Variants in ABCB1 observed in about 807,000 individuals in gnomAD.
ABCB1 encodes the protein ATP binding cassette subfamily B member 1, also known as ATP-dependent translocase ABCB1.
ABCB1 carries 69 observed loss-of-function variants against 142.0 expected under a neutral mutation model. That is an observed-to-expected ratio of 0.49 (90% CI 0.40 to 0.59). ABCB1 has a LOEUF of 0.59. ABCB1 is among the 20% of genes least tolerant of loss of function. The probability of loss-of-function intolerance (pLI) is 0.00; values close to 1 mark genes in which losing one functional copy is unlikely to be tolerated. For synonymous variants in ABCB1, 532 were observed against 539.2 expected (o/e 0.99, Z 0.18); for missense variants, 1,326 against 1,554.7 (o/e 0.85, Z 2.47).
At chr7:87,553,474 C>T (rs867200542) in intron 9 of ABCB1, among the ~76,000 whole-genome samples, 2 of 151,958 alleles carry the variant, frequency 1.3e-5, no homozygotes, top group African/African-American at 4.8e-5. Context: ...GCGCCCGCCA[C>T]CACGCCCGGC....
At chr7:87,542,109 C>T (rs748860505) in intron 17 of ABCB1, among the ~76,000 whole-genome samples, 3 of 152,180 alleles carry the variant, frequency 2.0e-5, no homozygotes, top group Admixed American at 6.5e-5. Flanking sequence ...TCTCCCTTCA[C>T]AGTGGGCCAA....
chr7:87,544,997 T>C lies in ABCB1; in HGVS notation c.1890A>G (p.Thr630=). 6.2e-7 allele frequency: 1 copy of C among 1,613,664 alleles called. No individual in the cohort carries two copies. Among genetic ancestry groups the C allele is most frequent in the East Asian group, 2.2e-5 (1 of 44,862 alleles). Residue 630 remains threonine (T), a splice_region_variant and synonymous_variant, in exon 16 of 28, where the codon ACA becomes ACG. Coordinates refer to ENST00000622132, the MANE Select transcript of ABCB1 (RefSeq NM_001348946.2). ...TTTCTAATTCAACTTCATTTCCTGC[T>C]GTCTAAAATAAATAAGAAATATGCA... The part of the protein sequence containing the change: ...GIYFKLVTMQ[T]AGNEVELENA...
chr7:87,591,117 G>A (rs1037552730), intron 3 of ABCB1, among the ~76,000 whole-genome samples: 1 of 152,154 alleles, frequency 6.6e-6, no homozygotes, highest in African/African-American at 2.4e-5. Context: ...TTATAAGAGG[G>A]AGGAGGGGGC....
At chr7:87,626,246 A>G (rs35881718) in intron 1 of ABCB1, among the ~76,000 whole-genome samples, 481 of 12,438 alleles carry the variant, frequency 0.039, 15 homozygotes, top group South Asian at 0.18. Context: ...TGTCATATAT[A>G]TGTCATATAT....
chr7:87,605,963 G>A (rs1819636469), intron 1 of ABCB1, among the ~76,000 whole-genome samples: 3 of 151,764 alleles, frequency 2.0e-5, no homozygotes. Context: ...TAATAATATG[G>A]CAATAATTTT....
At chr7:87,593,504 C>A (rs959667771) in intron 3 of ABCB1, among the ~76,000 whole-genome samples, 1 of 152,302 alleles carries the variant, frequency 6.6e-6, no homozygotes, top group Middle Eastern at 3.4e-3. Context: ...CTGAGGCTGC[C>A]ATGTTTAGAA....
intron 17 of ABCB1, 107 bp from the exon 18 acceptor site, chr7:87,541,571 G>A: frequency 1.2e-6 from 1 of 808,166 alleles, no homozygotes; most frequent in Non-Finnish European, 2.2e-6. Context: ...GAGAGCCTTA[G>A]TACGCTGGAA....
rs150324575 is a variant in ABCB1, at chr7:87,688,971, C to G, written c.-331+24190G>C. Among the ~76,000 whole-genome samples the G allele has an allele frequency of 5.9e-5, 9 of 151,962 alleles. No homozygotes were observed. In the East Asian group the frequency reaches 1.5e-3, roughly 26 times the overall value. On this transcript the variant is annotated intron_variant, in intron 1 of 28. Coordinates refer to the ABCB1 transcript ENST00000265724. ...ACCAATTTAAATATTTACTTATTTA[C>G]AGAATGAGAGATTTATTAATGGTTC...
At chr7:87,669,144 A>T (rs907269813) in intron 1 of ABCB1, among the ~76,000 whole-genome samples, 16 of 152,108 alleles carry the variant, frequency 1.1e-4, no homozygotes, top group African/African-American at 3.9e-4. Flanking sequence ...AACTTGCTTT[A>T]TGAATCTGGG....
intron 1 of ABCB1, among the ~76,000 whole-genome samples, chr7:87,635,554 G>A (rs1402848028): frequency 6.6e-6 from 1 of 152,028 alleles, no homozygotes; most frequent in Admixed American, 6.5e-5. Context: ...GAGATATGTA[G>A]GACATTGTGA....
chr7:87,549,996 A>T lies in ABCB1; in HGVS notation c.1409T>A (p.Ile470Asn). ...TACAGGTTCCTGACTCACCACACCA[A>T]TGATTTCCCGTAGAAACCTTACATT... ...TINVRFLREI[I>N]GVVSQEPVLF... Residue 470 changes from isoleucine to asparagine, a missense_variant, in exon 13 of 28, where the codon ATT (isoleucine) becomes AAT (asparagine). Ile to Asn is a moderately radical substitution (Grantham distance 149). Coordinates refer to ENST00000622132, the MANE Select transcript of ABCB1 (RefSeq NM_001348946.2). The T allele has an allele frequency of 6.2e-7, 1 of 1,614,222 alleles. No individual in the cohort carries two copies. Among genetic ancestry groups the T allele is most frequent in the Non-Finnish European group, 8.5e-7 (1 of 1,180,034 alleles).
At chr7:87,652,621 G>GAGATATATATATATAT (rs374832268) in intron 1 of ABCB1, among the ~76,000 whole-genome samples, 14 of 125,408 alleles carry the variant, frequency 1.1e-4, no homozygotes, top group African/African-American at 4.5e-4. Context: ...TGTGGTCACT[G>GAGATATATATATATAT]ATATATATAT....
At chr7:87,558,938 C>T (rs1458330219) in intron 8 of ABCB1, among the ~76,000 whole-genome samples, 2 of 151,964 alleles carry the variant, frequency 1.3e-5, no homozygotes, top group East Asian at 3.9e-4. Context: ...AGGATGTTTT[C>T]AATTTGGTAT....
chr7:87,658,507 A>C (rs1325260843), intron 1 of ABCB1, among the ~76,000 whole-genome samples: 1 of 152,220 alleles, frequency 6.6e-6, no homozygotes, highest in Non-Finnish European at 1.5e-5. Flanking sequence ...AAAGTTAGCA[A>C]GAGACATAAG....
At chr7:87,628,894 T>A in intron 1 of ABCB1, 2 of 1,303,848 alleles carry the variant, frequency 1.5e-6, no homozygotes, top group Non-Finnish European at 2.0e-6. Flanking sequence ...AAGAAAAGCC[T>A]GAGCGCCCGC....
intron 26 of ABCB1, among the ~76,000 whole-genome samples, chr7:87,507,943 T>C (rs972173212): frequency 6.6e-6 from 1 of 152,078 alleles, no homozygotes; most frequent in African/African-American, 2.4e-5. Context: ...CAGGTACTCA[T>C]AGATGAAAAG....
At chr7:87,626,091 T>TATATATATATTGTCATATATATGTGTC (rs1554444008) in intron 1 of ABCB1, among the ~76,000 whole-genome samples, 1 of 95,794 alleles carries the variant, frequency 1.0e-5, no homozygotes, top group Non-Finnish European at 1.9e-5. Flanking sequence ...TATATATATA[T>TATATATATATTGTCATATATATGTGTC]ATATATATTG....
intron 1 of ABCB1, among the ~76,000 whole-genome samples, chr7:87,652,620 T>TGA (rs1823686238): frequency 1.4e-4 from 15 of 104,120 alleles, no homozygotes; most frequent in African/African-American, 6.6e-4. Flanking sequence ...TTGTGGTCAC[T>TGA]GATATATATA....
intron 1 of ABCB1, among the ~76,000 whole-genome samples, chr7:87,701,129 C>T (rs1247160246): frequency 6.6e-6 from 1 of 152,130 alleles, no homozygotes; most frequent in East Asian, 1.9e-4. Flanking sequence ...ATGATGGTTG[C>T]TTCAAGAAAA....
Sources: allele counts gnomAD v4.1 joint callset (sites outside exome capture counted in the v4.1 genomes callset), GRCh38; gene constraint gnomAD v4.1.1; transcripts MANE v1.5; gene names NCBI Gene and HGNC (gene_info 2026-07-23, HGNC 2026-07-21).